Variants in RP1 observed in about 807,000 individuals in gnomAD.
The protein encoded by RP1 is oxygen-regulated protein 1.
A neutral mutation model predicts 14.8 loss-of-function variants in RP1; 16 were observed. The observed-to-expected ratio is 1.08, with a 90% confidence interval of 0.73 to 1.65. The LOEUF (loss-of-function observed/expected upper bound fraction) is 1.65, where lower values mean the gene tolerates loss of function less well. Among genes scored for constraint, RP1 ranks in the 40% most tolerant of loss-of-function variants. RP1 has a pLI of 0.00. For missense variants in RP1, 2,631 were observed against 2,535.0 expected (o/e 1.04, Z -0.81); for synonymous variants, 876 against 883.6 (o/e 0.99, Z 0.15).
exon 10 of RP1, chr8:54,679,426 A>G: frequency 6.5e-7 from 1 of 1,535,786 alleles, no homozygotes; most frequent in Admixed American, 2.0e-5. Flanking sequence ...ACAGATGGCT[A>G]GATCAGGGGG....
At position 54,628,624 on chromosome 8, in the gene RP1, A is replaced by T. The variant is rs766323335; in HGVS notation, c.4742A>T (p.Lys1581Ile). Reference protein sequence around the residue: ...SYSESSPDLKKCIKSPVTSDW... With the variant: ...SYSESSPDLKICIKSPVTSDW... ...TCAGAGTCCTCTCCTGATTTAAAAAAATGCATCAAAAGTCCAGTGACTTCT... is the reference window on the plus strand; with the variant it reads ...TCAGAGTCCTCTCCTGATTTAAAAATATGCATCAAAAGTCCAGTGACTTCT... The change falls in exon 4 of 4, where the codon AAA becomes ATA. Residue 1581 changes from lysine (K) to isoleucine (I), a missense_variant. Lys to Ile is a moderately radical substitution (Grantham distance 102). Coordinates refer to ENST00000220676, the MANE Select transcript of RP1 (RefSeq NM_006269.2). 2.5e-6 allele frequency: 4 copies of T among 1,613,972 alleles called. No individual in the cohort carries two copies. The Admixed American group carries it at 6.7e-5, about 27-fold the overall frequency.
rs138006172 is a variant in RP1 at position 54,838,913 on chromosome 8, G to T, written c.3835+1244G>T. Among the ~76,000 whole-genome samples, 3 of 152,290 alleles carry T rather than the reference G, an allele frequency of 2.0e-5. No individual in the cohort carries two copies. In the East Asian group the frequency reaches 5.8e-4, roughly 29 times the overall value. On this transcript the variant is annotated intron_variant, in intron 25 of 28. Transcript: ENST00000637698. ...CTTGTCTGTAAAATGGTGATAAATA[G>T]AGCTTATGTCACAGGATTGTTTTCA...
chr8:54,707,237 C>A (rs1401653160), intron 15 of RP1, among the ~76,000 whole-genome samples: 1 of 152,158 alleles, frequency 6.6e-6, no homozygotes, highest in African/African-American at 2.4e-5. Flanking sequence ...GATCCTCCTG[C>A]CTCAGTCTCC....
chr8:54,776,859 A>T (rs1810052810), intron 23 of RP1, among the ~76,000 whole-genome samples: 1 of 152,180 alleles, frequency 6.6e-6, no homozygotes, highest in South Asian at 2.1e-4. Context: ...GAATGTACTA[A>T]ATAGGCAGGG....
At chr8:54,604,875 G>A (rs35775929) in intron 1 of RP1, among the ~76,000 whole-genome samples, 52,208 of 151,900 alleles carry the variant, frequency 0.34, 9,527 homozygotes, top group Middle Eastern at 0.49. Context: ...CTGTGGGATC[G>A]GCGGTGATAT....
chr8:54,695,108 G>T (rs868718296), intron 12 of RP1, among the ~76,000 whole-genome samples: 2 of 152,110 alleles, frequency 1.3e-5, no homozygotes, highest in Non-Finnish European at 2.9e-5. Context: ...AGGTTGTTCA[G>T]TTTCCATGTA....
chr8:54,806,679 T>C (rs1334755953), intron 24 of RP1, among the ~76,000 whole-genome samples: 1 of 152,228 alleles, frequency 6.6e-6, no homozygotes, highest in Non-Finnish European at 1.5e-5. Context: ...GTTTTGAAGA[T>C]AGAATTGGAA....
intron 19 of RP1, among the ~76,000 whole-genome samples, chr8:54,746,539 A>T (rs1272932410): frequency 2.0e-5 from 3 of 152,236 alleles, no homozygotes; most frequent in African/African-American, 7.2e-5. Context: ...CCAAAACAAG[A>T]TGGCTATAAC....
intron 24 of RP1, among the ~76,000 whole-genome samples, chr8:54,831,033 A>T (rs770123658): frequency 9.9e-5 from 15 of 152,060 alleles, no homozygotes; most frequent in Non-Finnish European, 1.9e-4. Context: ...ATACATCCGT[A>T]CTTCACTTCT....
intron 22 of RP1, among the ~76,000 whole-genome samples, chr8:54,766,821 G>C (rs1809772426): frequency 1.3e-5 from 2 of 152,206 alleles, no homozygotes; most frequent in African/African-American, 4.8e-5. Context: ...GCTCCCTGGT[G>C]ACCTAGGGGT....
At chr8:54,647,124 A>T (rs1257309284) in intron 3 of RP1, among the ~76,000 whole-genome samples, 2 of 152,212 alleles carry the variant, frequency 1.3e-5, no homozygotes, top group African/African-American at 4.8e-5. Context: ...GATTTTTTAC[A>T]AACAGGCCAG....
At chr8:54,800,618 C>T (rs1227051378) in intron 24 of RP1, among the ~76,000 whole-genome samples, 1 of 152,078 alleles carries the variant, frequency 6.6e-6, no homozygotes, top group African/African-American at 2.4e-5. Context: ...TTCCCTTGGC[C>T]ATGTTGAATC....
intron 14 of RP1, among the ~76,000 whole-genome samples, chr8:54,705,448 G>A (rs763274779): frequency 1.4e-4 from 21 of 152,164 alleles, no homozygotes; most frequent in Non-Finnish European, 2.2e-4. Context: ...GGTATTCAGA[G>A]TCTTTATTGG....
intron 24 of RP1, among the ~76,000 whole-genome samples, chr8:54,807,001 A>C (rs989921143): frequency 1.3e-5 from 2 of 152,248 alleles, no homozygotes; most frequent in African/African-American, 4.8e-5. Flanking sequence ...GGCACGTTCT[A>C]GGTGACAGAA....
chr8:54,822,607 T>A (rs991981903), intron 24 of RP1, among the ~76,000 whole-genome samples: 3 of 152,220 alleles, frequency 2.0e-5, no homozygotes, highest in African/African-American at 7.2e-5. Context: ...ATTATGTATC[T>A]GTTTATGAGG....
chr8:54,799,743 G>A (rs977106932), intron 24 of RP1, among the ~76,000 whole-genome samples: 1 of 151,808 alleles, frequency 6.6e-6, no homozygotes, highest in African/African-American at 2.4e-5. Flanking sequence ...TACCCCATGT[G>A]CAGTATAAGG....
At chr8:54,776,987 G>A (rs926179011) in intron 23 of RP1, among the ~76,000 whole-genome samples, 3 of 152,220 alleles carry the variant, frequency 2.0e-5, no homozygotes, top group African/African-American at 7.2e-5. Context: ...CGGCTGCTGA[G>A]TGTTCTGGTT....
intron 24 of RP1, among the ~76,000 whole-genome samples, chr8:54,801,032 T>C (rs575854642): frequency 6.6e-6 from 1 of 152,314 alleles, no homozygotes; most frequent in Non-Finnish European, 1.5e-5. Flanking sequence ...AGTGGAGGAA[T>C]TTGTACTAAT....
intron 1 of RP1, among the ~76,000 whole-genome samples, chr8:54,600,264 C>T (rs867941783): frequency 5.3e-5 from 8 of 152,296 alleles, no homozygotes; most frequent in Middle Eastern, 6.8e-3. Context: ...TAAGAAGTCC[C>T]TTTGCCCTTC....
Sources: allele counts gnomAD v4.1 joint callset (sites outside exome capture counted in the v4.1 genomes callset), GRCh38; gene constraint gnomAD v4.1.1; transcripts MANE v1.5; gene names NCBI Gene and HGNC (gene_info 2026-07-23, HGNC 2026-07-21).